DUSP23: variants seen among roughly 807,000 people sequenced by gnomAD.
The protein encoded by DUSP23 is dual specificity phosphatase 23.
DUSP23 carries 10 observed loss-of-function variants against 13.3 expected under a neutral mutation model. That is an observed-to-expected ratio of 0.75 (90% CI 0.46 to 1.27). DUSP23 has a LOEUF of 1.27. Among genes scored for constraint, DUSP23 ranks in the 50% most tolerant of loss-of-function variants. DUSP23 has a pLI of 0.00. For synonymous variants in DUSP23, 107 were observed against 95.3 expected (o/e 1.12, Z -0.72); for missense variants, 228 against 204.8 (o/e 1.11, Z -0.69).
At position 159,781,214 on chromosome 1, in the gene DUSP23, C is replaced by T. The variant is rs1156678914; in HGVS notation, c.114C>T (p.His38=). ...TCCTGTTGGACCTGGGCGTGCGGCA[C>T]CTGGTGTCCCTGACGGAGCGCGGGC... ...YQFLLDLGVR[H]LVSLTERGPP... Residue 38 remains histidine, a synonymous_variant, in exon 1 of 2, where the codon CAC becomes CAT. Coordinates refer to ENST00000368107, the MANE Select transcript of DUSP23 (RefSeq NM_001319658.2). 1.9e-6 allele frequency: 3 copies of T among 1,549,388 alleles called. No individual in the cohort carries two copies. Among genetic ancestry groups the T allele is most frequent in the Non-Finnish European group, 2.6e-6 (3 of 1,146,490 alleles).
At chr1:159,781,518 G>A (rs1054124137) in intron 1 of DUSP23, 151 bp downstream of exon 1, 1 of 1,134,266 alleles carries the variant, frequency 8.8e-7, no homozygotes, top group Admixed American at 3.0e-5. Context: ...GTGCGGGGGA[G>A]GGAAGCGCTA....
At position 159,781,055 on chromosome 1, in the gene DUSP23, C is replaced by G; in HGVS notation, c.-46C>G. ...GGACGCGTGGGCGGAGCGGGGCTGG[C>G]CAGCCTCGGCCCCCATGACCCGCTG... On this transcript the variant is annotated 5_prime_UTR_variant, in exon 1 of 2. Transcript: ENST00000368107. The G allele has an allele frequency of 6.7e-7, 1 of 1,500,936 alleles. No individual in the cohort carries two copies. The highest frequency in any genetic ancestry group is 1.4e-5 in the African/African-American group (1 of 70,954). 93.0% of individuals were successfully genotyped at this position (1,500,936 alleles called of 1,614,324 possible). A position where few individuals can be genotyped will look rare whatever the true frequency, so the allele number is the denominator to read the frequency against.
Position 159,782,438 on chromosome 1 carries a change from G to A in DUSP23, c.*100G>A. 7.3e-7 allele frequency: 1 copy of A among 1,373,354 alleles called. No homozygotes were observed. The highest frequency in any genetic ancestry group is 9.9e-7 in the Non-Finnish European group (1 of 1,009,208). 85.1% of individuals were successfully genotyped at this position (1,373,354 alleles called of 1,614,324 possible). A position where few individuals can be genotyped will look rare whatever the true frequency, so the allele number is the denominator to read the frequency against. ...GTGGACTAAAGTATTAAACCCTCTAGCTCCCATTGGCTGAAGACACTGAAG... is the reference window on the plus strand; with the variant it reads ...GTGGACTAAAGTATTAAACCCTCTAACTCCCATTGGCTGAAGACACTGAAG... On this transcript the variant is annotated 3_prime_UTR_variant, in exon 2 of 2. Coordinates refer to ENST00000368107, the MANE Select transcript of DUSP23 (RefSeq NM_001319658.2).
intron 1 of DUSP23, 29 bp from the exon 2 acceptor site, chr1:159,782,124 G>A: frequency 6.2e-7 from 1 of 1,610,036 alleles, no homozygotes; most frequent in South Asian, 1.1e-5. Flanking sequence ...GGGGAGTTGA[G>A]TGGCACCCAT....
At position 159,782,495 on chromosome 1, in the gene DUSP23, A is replaced by G. The variant is rs1224642663; in HGVS notation, c.*157A>G. 3 of 841,748 alleles carry G rather than the reference A, an allele frequency of 3.6e-6. No homozygotes were observed. Among genetic ancestry groups the G allele is most frequent in the Non-Finnish European group, 5.5e-6 (3 of 549,274 alleles). 52.1% of individuals were successfully genotyped at this position (841,748 alleles called of 1,614,324 possible). A position where few individuals can be genotyped will look rare whatever the true frequency, so the allele number is the denominator to read the frequency against. ...ACCCCTGCAGGCAGGTCCTGATTGA[A>G]GGGGAGGCTTGTACTGCTTTGTTGA... On this transcript the variant is annotated 3_prime_UTR_variant, in exon 2 of 2. Transcript: ENST00000368107.
At position 159,782,389 on chromosome 1, in the gene DUSP23, CG is replaced by C; in HGVS notation, c.*52del. On this transcript the variant is annotated 3_prime_UTR_variant, in exon 2 of 2. Coordinates refer to ENST00000368107, the MANE Select transcript of DUSP23 (RefSeq NM_001319658.2). ...CCCTCACTCCCCTTCCCCATGTTGTCGATGGGGCCAGAGATGAAGGGAAGTG... is the reference window on the plus strand; with the variant it reads ...CCCTCACTCCCCTTCCCCATGTTGTCATGGGGCCAGAGATGAAGGGAAGTG... 1 of 1,590,348 alleles carries C rather than the reference CG, an allele frequency of 6.3e-7. No individual in the cohort carries two copies. Among genetic ancestry groups the C allele is most frequent in the Non-Finnish European group, 8.6e-7 (1 of 1,163,190 alleles).
chr1:159,782,059 C>T (rs2101710373), intron 1 of DUSP23, 94 bp from the exon 2 acceptor site: 2 of 1,448,536 alleles, frequency 1.4e-6, no homozygotes, highest in East Asian at 4.7e-5. Flanking sequence ...GGACCTGGCA[C>T]AGAAGAAGGA....
chr1:159,781,357 C>T lies in DUSP23; in HGVS notation c.257C>T (p.Ala86Val). ...RFVQIVDEAN[A>V]RGEAVGVHCA... ...GTGCAGATCGTGGACGAGGCCAACG[C>T]ACGGGGAGAGGTCAGCGGGCGGGGT... Residue 86 changes from alanine to valine, a missense_variant, in exon 1 of 2, where the codon GCA becomes GTA. Physicochemically the swap from Ala to Val is moderately conservative, Grantham distance 64 (BLOSUM62 0). Transcript: ENST00000368107. The T allele has an allele frequency of 1.3e-6, 2 of 1,519,252 alleles. No homozygotes were observed. The highest frequency in any genetic ancestry group is 1.8e-6 in the Non-Finnish European group (2 of 1,130,742). The allele number at this position is 1,519,252 out of a possible 1,614,324, so 94.1% of individuals were successfully genotyped here.
At chr1:159,781,395 G>A in intron 1 of DUSP23, 28 bp downstream of exon 1, 2 of 1,470,682 alleles carry the variant, frequency 1.4e-6, no homozygotes, top group Non-Finnish European at 9.0e-7. Flanking sequence ...GCGCAGGGAG[G>A]GAGGGGCCTG....
At chr1:159,781,410 G>T in intron 1 of DUSP23, 43 bp downstream of exon 1, 1 of 1,452,742 alleles carries the variant, frequency 6.9e-7, no homozygotes, top group Non-Finnish European at 9.1e-7. Context: ...GGCCTGGAAG[G>T]TCAGCGGGGG....
Position 159,781,141 on chromosome 1 carries a change from G to T in DUSP23, c.41G>T (p.Gly14Val). Reference sequence around the variant, plus strand: ...CCCAACTTCTCCTGGGTGCTTCCGGGCCGGCTGGCGGGACTGGCGCTGCCG... The same window carrying T: ...CCCAACTTCTCCTGGGTGCTTCCGGTCCGGCTGGCGGGACTGGCGCTGCCG... The part of the protein sequence containing the change: ...QPPNFSWVLP[G>V]RLAGLALPRL... The change falls in exon 1 of 2, where the codon GGC becomes GTC. Residue 14 changes from glycine to valine, a missense_variant. Transcript: ENST00000368107. 2 of 1,548,776 alleles carry T rather than the reference G, an allele frequency of 1.3e-6. No individual in the cohort carries two copies. Among genetic ancestry groups the T allele is most frequent in the Non-Finnish European group, 8.7e-7 (1 of 1,146,558 alleles).
At chr1:159,781,397 AG>A in intron 1 of DUSP23, 30 bp downstream of exon 1, 1 of 1,469,134 alleles carries the variant, frequency 6.8e-7, no homozygotes, top group Non-Finnish European at 9.0e-7. Context: ...GCAGGGAGGG[AG>A]GGGCCTGGAA....
rs755293751 is a variant in DUSP23, at chr1:159,782,354, T to A, written c.*16T>A. 6.2e-7 allele frequency: 1 copy of A among 1,611,866 alleles called. No individual in the cohort carries two copies. Among genetic ancestry groups the A allele is most frequent in the Non-Finnish European group, 8.5e-7 (1 of 1,178,448 alleles). ...AACGAAATAAGGGGCCTTAGTACCC[T>A]TCTACCAGGCCCTCACTCCCCTTCC... On this transcript the variant is annotated 3_prime_UTR_variant, in exon 2 of 2. Transcript: ENST00000368107.
Position 159,781,019 on chromosome 1 carries a change from A to G in DUSP23, c.-82A>G, listed in dbSNP as rs1179949132. The G allele has an allele frequency of 1.4e-6, 2 of 1,445,624 alleles. No individual in the cohort carries two copies. Among genetic ancestry groups the G allele is most frequent in the Non-Finnish European group, 1.8e-6 (2 of 1,098,788 alleles). 89.5% of individuals were successfully genotyped at this position (1,445,624 alleles called of 1,614,324 possible). On this transcript the variant is annotated 5_prime_UTR_variant, in exon 1 of 2. Transcript: ENST00000368107. ...GTAGGTGGTGAGTTACTTGGCTCGGAGCGGGCGAGGGGACGCGTGGGCGGA... is the reference window on the plus strand; with the variant it reads ...GTAGGTGGTGAGTTACTTGGCTCGGGGCGGGCGAGGGGACGCGTGGGCGGA...
At chr1:159,781,680 A>G (rs1015509798) in intron 1 of DUSP23, among the ~76,000 whole-genome samples, 3 of 152,094 alleles carry the variant, frequency 2.0e-5, no homozygotes, top group African/African-American at 7.2e-5. Context: ...GCTGTTTACC[A>G]TTTTCTAGAG....
In DUSP23 at chr1:159,782,031, A is replaced by G. The variant is rs963103083; in HGVS notation, c.268-122A>G. ...CCTAGTGCAGGGACAGCCCTCCCTG[A>G]CTTTGCTGCAGAGCCCTGGACCTGG... On this transcript the variant is annotated intron_variant, in intron 1 of 1. Coordinates refer to ENST00000368107, the MANE Select transcript of DUSP23 (RefSeq NM_001319658.2). 9 of 1,157,658 alleles carry G rather than the reference A, an allele frequency of 7.8e-6. No individual in the cohort carries two copies. In the African/African-American group the frequency reaches 1.4e-4, roughly 18 times the overall value. 71.7% of individuals were successfully genotyped at this position (1,157,658 alleles called of 1,614,324 possible).
chr1:159,781,466 G>A (rs1462840806), intron 1 of DUSP23, 99 bp downstream of exon 1: 1 of 1,383,092 alleles, frequency 7.2e-7, no homozygotes, highest in South Asian at 1.5e-5. Context: ...ACTTAACTGG[G>A]CTCGGGGAGG....
intron 1 of DUSP23, 115 bp downstream of exon 1, chr1:159,781,482 A>G: frequency 7.5e-7 from 1 of 1,335,448 alleles, no homozygotes; most frequent in Non-Finnish European, 9.8e-7. Flanking sequence ...GGAGGCAGAC[A>G]GTAGGGCCGG....
In DUSP23 at chr1:159,781,245, C is replaced by T. The variant is rs1278425473; in HGVS notation, c.145C>T (p.His49Tyr). ...LVSLTERGPPHSDSCPGLTLH... is the reference protein window; with the variant it reads ...LVSLTERGPPYSDSCPGLTLH... ...GTCCCTGACGGAGCGCGGGCCCCCTCACAGCGACAGCTGCCCCGGCCTCAC... is the reference window on the plus strand; with the variant it reads ...GTCCCTGACGGAGCGCGGGCCCCCTTACAGCGACAGCTGCCCCGGCCTCAC... The change falls in exon 1 of 2, where the codon CAC becomes TAC. Residue 49 changes from histidine (H) to tyrosine (Y), a missense_variant. By Grantham distance (83) the His-to-Tyr change is moderately conservative. Coordinates refer to ENST00000368107, the MANE Select transcript of DUSP23 (RefSeq NM_001319658.2). 3.2e-5 allele frequency: 49 copies of T among 1,548,962 alleles called. No homozygotes were observed. The highest frequency in any genetic ancestry group is 4.2e-5 in the Non-Finnish European group (48 of 1,146,318).
Sources: gnomAD v4.1 joint callset for allele counts (sites outside exome capture counted in the v4.1 genomes callset) on GRCh38, gnomAD v4.1.1 for gene constraint, MANE v1.5 for transcripts, NCBI Gene and HGNC (gene_info 2026-07-23, HGNC 2026-07-21) for gene names.